Variants in LHPP observed in about 807,000 individuals in gnomAD.
LHPP encodes the protein phospholysine phosphohistidine inorganic pyrophosphate phosphatase, also known as hLHPP.
LHPP carries 24 observed loss-of-function variants against 30.3 expected under a neutral mutation model. The observed-to-expected ratio is 0.79, with a 90% CI of 0.57 to 1.11. The LOEUF (loss-of-function observed/expected upper bound fraction) is 1.11, where lower values mean the gene tolerates loss of function less well. LHPP is among the 50% of genes most tolerant of loss of function. The probability of loss-of-function intolerance (pLI) is 0.00; values close to 1 mark genes in which losing one functional copy is unlikely to be tolerated. For synonymous variants in LHPP, 150 were observed against 157.1 expected (o/e 0.95, Z 0.34); for missense variants, 356 against 367.2 (o/e 0.97, Z 0.25).
At chr10:124,502,937 A>C (rs918590472) in intron 5 of LHPP, among the ~76,000 whole-genome samples, 5 of 151,736 alleles carry the variant, frequency 3.3e-5, no homozygotes, top group African/African-American at 1.2e-4. Context: ...TTGGCCTCCC[A>C]AAGTGCTGGG....
intron 6 of LHPP, among the ~76,000 whole-genome samples, chr10:124,570,441 G>C (rs74903548): frequency 0.011 from 1,692 of 152,348 alleles, 27 homozygotes; most frequent in African/African-American, 0.039. Flanking sequence ...GTGACCCTAT[G>C]AGCAGCCAGG....
rs749837069 is a variant in LHPP, at chr10:124,510,701, A to G, written c.625-6479A>G. ...AGCATGGAGGTGTAGGATGACATGT[A>G]ATATTTGGAAGACCCATTGCATTTC... On this transcript the variant is annotated intron_variant, in intron 5 of 6. Transcript: ENST00000368842. The surrounding 1 kb of genome is among the most constrained non-coding windows in gnomAD (Gnocchi z 4.0). Among the ~76,000 whole-genome samples, 2 of 152,234 alleles carry G rather than the reference A, an allele frequency of 1.3e-5. No individual in the cohort carries two copies. Among genetic ancestry groups the G allele is most frequent in the Non-Finnish European group, 2.9e-5 (2 of 68,042 alleles).
Position 124,501,601 on chromosome 10 carries a change from TAAAAAAA to T in LHPP, c.624+3487_624+3493del, listed in dbSNP as rs1046422221. On this transcript the variant is annotated intron_variant, in intron 5 of 6. Coordinates refer to ENST00000368842, the MANE Select transcript of LHPP (RefSeq NM_022126.4). ...TGGGCGACAGAGCCAGACTCTGTCT[TAAAAAAA>T]AAAAAAAAAAAAAGAAAAATATTCT... Among the ~76,000 whole-genome samples, 28 of 116,410 alleles carry T rather than the reference TAAAAAAA, an allele frequency of 2.4e-4. 1 individual carries two copies. Among genetic ancestry groups the T allele is most frequent in the African/African-American group, 9.3e-4 (28 of 30,266 alleles). The allele number at this position is 116,410 out of a possible 152,430, so 76.4% of individuals were successfully genotyped here.
At chr10:124,608,679 C>A (rs1836480508) in intron 6 of LHPP, among the ~76,000 whole-genome samples, 1 of 148,342 alleles carries the variant, frequency 6.7e-6, no homozygotes, top group Admixed American at 7.1e-5. Flanking sequence ...TTGTCTCTGT[C>A]TCGCTCAGAG....
rs117485141 is a variant in LHPP at position 124,571,834 on chromosome 10, C to T, written c.717-41430C>T. ...TAGCAGAGGAAGATAGACAACATGG[C>T]GATGGATGAGGAAGTTGGGTTGTCT... On this transcript the variant is annotated intron_variant, in intron 6 of 6. Transcript: ENST00000368842. 4.1e-3 allele frequency among the ~76,000 whole-genome samples: 626 copies of T among 152,184 alleles called. 27 individuals are homozygous for T. The East Asian group carries it at 0.084, about 21-fold the overall frequency.
At position 124,598,635 on chromosome 10, in the gene LHPP, G is replaced by GTCCA. The variant is rs3083680; in HGVS notation, c.717-14605_717-14602dup. Among the ~76,000 whole-genome samples, 734 of 150,918 alleles carry GTCCA rather than the reference G, an allele frequency of 4.9e-3. 5 individuals are homozygous for GTCCA. Among genetic ancestry groups the GTCCA allele is most frequent in the Non-Finnish European group, 3.8e-3 (255 of 67,662 alleles). ...GAGCGGTCCATCCACCCATCCGTCC[G>GTCCA]TCCATCCATCCATCCATCCATCCAT... On this transcript the variant is annotated intron_variant, in intron 6 of 6. Coordinates refer to ENST00000368842, the MANE Select transcript of LHPP (RefSeq NM_022126.4).
intron 6 of LHPP, among the ~76,000 whole-genome samples, chr10:124,534,956 G>T (rs1407709238): frequency 6.6e-6 from 1 of 152,228 alleles, no homozygotes; most frequent in Non-Finnish European, 1.5e-5. Context: ...TTCGCCATGG[G>T]AAACATTCCT....
At chr10:124,542,609 C>T (rs183408823) in intron 6 of LHPP, among the ~76,000 whole-genome samples, 1 of 152,268 alleles carries the variant, frequency 6.6e-6, no homozygotes, top group Admixed American at 6.5e-5. Flanking sequence ...AGGCTGGTAC[C>T]AGCCTGGGGG....
rs1044692681 is a variant in LHPP at position 124,478,755 on chromosome 10, A to G, written c.126-5384A>G. On this transcript the variant is annotated intron_variant, in intron 1 of 6. Coordinates refer to ENST00000368842, the MANE Select transcript of LHPP (RefSeq NM_022126.4). The surrounding 1 kb of genome is among the most constrained non-coding windows in gnomAD (Gnocchi z 4.7). ...CTGAGATGAGGTAAAGGTCAGTTCA[A>G]AGATCCAGTTTGGGCCAGGCGCGGT... Among the ~76,000 whole-genome samples, 1 of 152,158 alleles carries G rather than the reference A, an allele frequency of 6.6e-6. No homozygotes were observed. The highest frequency in any genetic ancestry group is 2.4e-5 in the African/African-American group (1 of 41,424).
At chr10:124,521,562 G>C (rs1438746775) in intron 6 of LHPP, among the ~76,000 whole-genome samples, 2 of 152,208 alleles carry the variant, frequency 1.3e-5, no homozygotes, top group African/African-American at 4.8e-5. Flanking sequence ...TCCTCTGTTG[G>C]TGGCCTTGGC....
intron 3 of LHPP, among the ~76,000 whole-genome samples, chr10:124,491,297 C>T (rs911702831): frequency 1.3e-5 from 2 of 152,214 alleles, no homozygotes; most frequent in Admixed American, 6.5e-5. Flanking sequence ...TCGGTGCTTT[C>T]GTTGCTTCTG....
chr10:124,566,982 T>G (rs1948501683), intron 6 of LHPP, among the ~76,000 whole-genome samples: 1 of 152,058 alleles, frequency 6.6e-6, no homozygotes, highest in Non-Finnish European at 1.5e-5. Flanking sequence ...AGATGACATC[T>G]CCAGGCACTG....
At chr10:124,609,363 C>T (rs1009986127) in intron 6 of LHPP, among the ~76,000 whole-genome samples, 25 of 152,172 alleles carry the variant, frequency 1.6e-4, no homozygotes, top group Admixed American at 2.0e-4. Flanking sequence ...CCACCTCAGC[C>T]TCCCAAGTAG....
In LHPP at chr10:124,592,823, C is replaced by A. The variant is rs1199116990; in HGVS notation, c.717-20441C>A. Among the ~76,000 whole-genome samples the A allele has an allele frequency of 1.3e-5, 2 of 152,238 alleles. No individual in the cohort carries two copies. Among genetic ancestry groups the A allele is most frequent in the Non-Finnish European group, 1.5e-5 (1 of 68,036 alleles). On this transcript the variant is annotated intron_variant, in intron 6 of 6. Coordinates refer to ENST00000368842, the MANE Select transcript of LHPP (RefSeq NM_022126.4). This position sits in a 1 kb window ranked among gnomAD's most constrained non-coding sequence, Gnocchi z 6.2. Reference sequence around the variant, plus strand: ...AAAACTGAAGAAAACAAGATTCCGTCTAGGAATCGTCCAGGGCGCGGCAGC... The same window carrying A: ...AAAACTGAAGAAAACAAGATTCCGTATAGGAATCGTCCAGGGCGCGGCAGC...
chr10:124,549,357 C>G (rs1955424783), intron 6 of LHPP, among the ~76,000 whole-genome samples: 1 of 151,628 alleles, frequency 6.6e-6, no homozygotes, highest in South Asian at 2.1e-4. Context: ...CACTTGAGCT[C>G]AGGAGTTCGA....
intron 1 of LHPP, among the ~76,000 whole-genome samples, chr10:124,483,525 C>T (rs1483332314): frequency 6.6e-6 from 1 of 152,050 alleles, no homozygotes; most frequent in Non-Finnish European, 1.5e-5. Flanking sequence ...GTAATCCCAG[C>T]ACTTTGGGAC....
At chr10:124,553,724 G>A (rs543863112) in intron 6 of LHPP, among the ~76,000 whole-genome samples, 1 of 152,224 alleles carries the variant, frequency 6.6e-6, no homozygotes, top group African/African-American at 2.4e-5. Context: ...CTCCCAAAGT[G>A]CCGGGATTAC....
rs537290642 is a variant in LHPP at position 124,469,514 on chromosome 10, G to C, written c.125+7527G>C. ...CCTTCACACCAGCCCCTGAGGTGGG[G>C]GGGGCTTCCTCTTTTCAAAGTGAGG... is the stretch of plus-strand genomic sequence containing the variant. On this transcript the variant is annotated intron_variant, in intron 1 of 6. Transcript: ENST00000368842. Among the ~76,000 whole-genome samples, 3 of 152,180 alleles carry C rather than the reference G, an allele frequency of 2.0e-5. No individual in the cohort carries two copies. The East Asian group carries it at 5.8e-4, about 29-fold the overall frequency.
At chr10:124,525,589 G>A (rs898190938) in intron 6 of LHPP, among the ~76,000 whole-genome samples, 1 of 152,236 alleles carries the variant, frequency 6.6e-6, no homozygotes, top group African/African-American at 2.4e-5. Context: ...CCGAGGCGGA[G>A]GCGAGTGTGT....
Sources: allele counts gnomAD v4.1 joint callset (sites outside exome capture counted in the v4.1 genomes callset), GRCh38; gene constraint gnomAD v4.1.1; non-coding constraint Gnocchi (gnomAD v3.1); transcripts MANE v1.5; gene names NCBI Gene and HGNC (gene_info 2026-07-23, HGNC 2026-07-21).